The following ST6GALNAC3 variants were observed in gnomAD, a reference collection of about 807,000 sequenced individuals.
ST6GALNAC3 encodes the protein alpha-N-acetylgalactosaminide alpha-2,6-sialyltransferase 3.
A neutral mutation model predicts 32.7 loss-of-function variants in ST6GALNAC3; 25 were observed. The ratio of observed to expected loss-of-function variants is 0.76; its 90% CI spans 0.56 to 1.07. The LOEUF is 1.07. ST6GALNAC3 is among the 50% of genes least tolerant of loss of function. ST6GALNAC3 has a pLI of 0.00. For synonymous variants in ST6GALNAC3, 129 were observed against 133.1 expected (o/e 0.97, Z 0.21); for missense variants, 355 against 382.4 (o/e 0.93, Z 0.60).
chr1:76,093,074 T>C (rs1647071789), intron 1 of ST6GALNAC3, among the ~76,000 whole-genome samples: 1 of 152,184 alleles, frequency 6.6e-6, no homozygotes, highest in African/African-American at 2.4e-5. Context: ...CTAATTAAGT[T>C]TGTGGGAGTG....
chr1:76,375,236 A>G (rs764660228), intron 2 of ST6GALNAC3, among the ~76,000 whole-genome samples: 1 of 152,184 alleles, frequency 6.6e-6, no homozygotes, highest in Non-Finnish European at 1.5e-5. Context: ...AGATGGGGGA[A>G]TTATACTTTG....
chr1:76,461,384 T>C (rs1658268378), intron 3 of ST6GALNAC3, among the ~76,000 whole-genome samples: 1 of 152,214 alleles, frequency 6.6e-6, no homozygotes, highest in Non-Finnish European at 1.5e-5. Flanking sequence ...CATCTCTAAG[T>C]AATTATACCC....
chr1:76,155,464 T>A lies in ST6GALNAC3; in HGVS notation c.18+80580T>A, dbSNP rs191575459. ...CAAGAGTTCCCCCACTTTCTCCTTT[T>A]TTTATTTATTTTATTTTATTTTTTT... On this transcript the variant is annotated intron_variant, in intron 1 of 4. Transcript: ENST00000328299. Among the ~76,000 whole-genome samples the A allele has an allele frequency of 2.4e-4, 37 of 152,226 alleles. No individual in the cohort carries two copies. In the East Asian group the frequency reaches 3.9e-3, roughly 16 times the overall value.
At chr1:76,482,125 T>TA (rs1659761658) in intron 3 of ST6GALNAC3, among the ~76,000 whole-genome samples, 1 of 151,086 alleles carries the variant, frequency 6.6e-6, no homozygotes, top group African/African-American at 2.5e-5. Context: ...AAGAGAATTT[T>TA]AACAAATTTT....
At chr1:76,171,944 C>A (rs1192730184) in intron 1 of ST6GALNAC3, among the ~76,000 whole-genome samples, 1 of 151,780 alleles carries the variant, frequency 6.6e-6, no homozygotes, top group African/African-American at 2.4e-5. Context: ...GAAACTATTC[C>A]AAACAGTTGA....
chr1:76,230,452 T>C (rs1181847074), intron 1 of ST6GALNAC3, among the ~76,000 whole-genome samples: 2 of 152,222 alleles, frequency 1.3e-5, no homozygotes, highest in African/African-American at 4.8e-5. Context: ...TTTCAAATTA[T>C]CTTTTATTTT....
intron 1 of ST6GALNAC3, among the ~76,000 whole-genome samples, chr1:76,134,697 C>T (rs1649827249): frequency 6.6e-6 from 1 of 152,188 alleles, no homozygotes; most frequent in East Asian, 1.9e-4. Context: ...TGAACTCCTG[C>T]ATGGGTAGTG....
intron 2 of ST6GALNAC3, among the ~76,000 whole-genome samples, chr1:76,332,364 C>T (rs759137004): frequency 3.3e-5 from 5 of 152,110 alleles, no homozygotes; most frequent in Non-Finnish European, 7.3e-5. Flanking sequence ...TCTTCTAATT[C>T]GTGAAAGGGA....
At chr1:76,156,823 C>T (rs531619259) in intron 1 of ST6GALNAC3, among the ~76,000 whole-genome samples, 1 of 152,334 alleles carries the variant, frequency 6.6e-6, no homozygotes, top group East Asian at 1.9e-4. Flanking sequence ...GCTCCGCCTC[C>T]CGGGTTCACG....
intron 3 of ST6GALNAC3, among the ~76,000 whole-genome samples, chr1:76,523,362 G>C (rs1662672350): frequency 6.6e-6 from 1 of 151,824 alleles, no homozygotes; most frequent in Non-Finnish European, 1.5e-5. Context: ...TTTTTCTCTT[G>C]GGTTTTGGAC....
intron 1 of ST6GALNAC3, among the ~76,000 whole-genome samples, chr1:76,117,382 G>A (rs1327746551): frequency 1.3e-5 from 2 of 152,202 alleles, no homozygotes; most frequent in Admixed American, 6.5e-5. Context: ...GATAACTTAC[G>A]GACTTGAGTG....
rs1654545098 is a variant in ST6GALNAC3, at chr1:76,201,983, G to A, written c.19-111822G>A. 2.6e-5 allele frequency among the ~76,000 whole-genome samples: 4 copies of A among 152,062 alleles called. No individual in the cohort carries two copies. The South Asian group carries it at 8.3e-4, about 32-fold the overall frequency. On this transcript the variant is annotated intron_variant, in intron 1 of 4. Coordinates refer to ENST00000328299, the MANE Select transcript of ST6GALNAC3 (RefSeq NM_152996.4). The stretch of plus-strand genomic sequence containing the variant: ...TAAAGCCTCTGGGAGCATTGACTTG[G>A]TAAAGTAACAGAATCTCCATTAAAG...
At chr1:76,345,993 C>G (rs1303230004) in intron 2 of ST6GALNAC3, among the ~76,000 whole-genome samples, 3 of 152,092 alleles carry the variant, frequency 2.0e-5, no homozygotes, top group Non-Finnish European at 4.4e-5. Flanking sequence ...AAAAGTCTCC[C>G]ATGGCCACCC....
chr1:76,112,220 C>T (rs76077467), intron 1 of ST6GALNAC3, among the ~76,000 whole-genome samples: 1 of 121,972 alleles, frequency 8.2e-6, no homozygotes, highest in Non-Finnish European at 1.9e-5. Flanking sequence ...ACCTCCCGGA[C>T]GGGGCGGCTG....
At chr1:76,103,228 T>C (rs1391691962) in intron 1 of ST6GALNAC3, among the ~76,000 whole-genome samples, 1 of 151,978 alleles carries the variant, frequency 6.6e-6, no homozygotes, top group Non-Finnish European at 1.5e-5. Flanking sequence ...TTCTGAGGCC[T>C]GATATCTTTC....
chr1:76,450,712 T>A (rs192355340), intron 3 of ST6GALNAC3, among the ~76,000 whole-genome samples: 2 of 152,316 alleles, frequency 1.3e-5, no homozygotes, highest in East Asian at 3.9e-4. Context: ...GCTTGAGCCA[T>A]CTTGAGTCGA....
chr1:76,212,168 C>G (rs1237659917), intron 1 of ST6GALNAC3, among the ~76,000 whole-genome samples: 2 of 152,130 alleles, frequency 1.3e-5, no homozygotes, highest in African/African-American at 4.8e-5. Flanking sequence ...CATTTCCATC[C>G]TCAGAAAAAC....
chr1:76,270,748 G>C (rs561269043), intron 1 of ST6GALNAC3, among the ~76,000 whole-genome samples: 1 of 152,250 alleles, frequency 6.6e-6, no homozygotes, highest in African/African-American at 2.4e-5. Context: ...GGTACAGATA[G>C]AAAATGTCCA....
chr1:76,221,444 G>T (rs117133809), intron 1 of ST6GALNAC3, among the ~76,000 whole-genome samples: 1 of 152,042 alleles, frequency 6.6e-6, no homozygotes, highest in Non-Finnish European at 1.5e-5. Context: ...TTGTGCCAAG[G>T]TAGACATTTG....
Sources: gnomAD v4.1 joint callset for allele counts (sites outside exome capture counted in the v4.1 genomes callset) on GRCh38, gnomAD v4.1.1 for gene constraint, MANE v1.5 for transcripts, NCBI Gene and HGNC (gene_info 2026-07-23, HGNC 2026-07-21) for gene names.